SLC15A1: variants seen among roughly 807,000 people sequenced by gnomAD.
SLC15A1 encodes the protein Caco-2 oligopeptide transporter.
SLC15A1 carries 83 observed loss-of-function variants against 92.9 expected under a neutral mutation model. The observed-to-expected ratio is 0.89, with a 90% CI of 0.75 to 1.07. The LOEUF (loss-of-function observed/expected upper bound fraction) is 1.07. SLC15A1 is among the 50% of genes least tolerant of loss of function. The pLI is 0.00. For synonymous variants in SLC15A1, 322 were observed against 318.2 expected (o/e 1.01, Z -0.13); for missense variants, 857 against 880.1 (o/e 0.97, Z 0.33).
chr13:98,712,363 T>C, intron 10 of SLC15A1, 135 bp downstream of exon 10: 1 of 673,412 alleles, frequency 1.5e-6, no homozygotes, highest in Non-Finnish European at 2.6e-6. Context: ...TCATGCATAG[T>C]TTTATTTAAT....
At chr13:98,706,345 G>A in intron 15 of SLC15A1, 92 bp from the exon 16 acceptor site, 1 of 1,456,772 alleles carries the variant, frequency 6.9e-7, no homozygotes, top group South Asian at 1.2e-5. Flanking sequence ...TCCTCCAGCT[G>A]GGAAAAGCTG....
chr13:98,686,319 A>G (rs1458929886), intron 21 of SLC15A1, 22 bp from the exon 22 acceptor site: 1 of 1,545,154 alleles, frequency 6.5e-7, no homozygotes, highest in Non-Finnish European at 8.9e-7. Flanking sequence ...AAGCAAAGTG[A>G]GTCCTGCTCC....
intron 4 of SLC15A1, among the ~76,000 whole-genome samples, chr13:98,725,154 A>G (rs2088288694): frequency 4.6e-5 from 7 of 152,144 alleles, no homozygotes; most frequent in Admixed American, 3.9e-4. Flanking sequence ...ACCTTCCTCC[A>G]TGAATGGAAG....
chr13:98,745,867 C>T (rs2088489095), intron 1 of SLC15A1, among the ~76,000 whole-genome samples: 1 of 150,966 alleles, frequency 6.6e-6, no homozygotes, highest in African/African-American at 2.4e-5. Flanking sequence ...TAACTTGTAA[C>T]ATTATTTATT....
At chr13:98,736,975 C>T (rs577232287) in intron 1 of SLC15A1, among the ~76,000 whole-genome samples, 68 of 152,300 alleles carry the variant, frequency 4.5e-4, no homozygotes, top group Middle Eastern at 3.4e-3. Context: ...CCATTTGACC[C>T]AGCCATCCCA....
At chr13:98,728,534 A>G (rs894079324) in intron 1 of SLC15A1, among the ~76,000 whole-genome samples, 35 of 152,280 alleles carry the variant, frequency 2.3e-4, no homozygotes, top group African/African-American at 7.7e-4. Context: ...AGTAGTGGGT[A>G]GAATGGTGGT....
intron 18 of SLC15A1, among the ~76,000 whole-genome samples, chr13:98,691,664 AGATTTG>A (rs2087978428): frequency 6.6e-6 from 1 of 152,204 alleles, no homozygotes; most frequent in Admixed American, 6.5e-5. Flanking sequence ...AAAAGGATGC[AGATTTG>A]CTTCTGAATC....
chr13:98,692,747 A>G (rs2087990328), intron 18 of SLC15A1, among the ~76,000 whole-genome samples: 2 of 151,898 alleles, frequency 1.3e-5, no homozygotes, highest in African/African-American at 4.8e-5. Flanking sequence ...ATTTTTATTT[A>G]TTTGTTTGTT....
chr13:98,706,373 C>G, intron 15 of SLC15A1, 120 bp from the exon 16 acceptor site: 2 of 1,100,838 alleles, frequency 1.8e-6, no homozygotes, highest in South Asian at 2.8e-5. Flanking sequence ...TGAAACACGC[C>G]AGGTGTCTCC....
chr13:98,728,149 C>G (rs1185003486), intron 1 of SLC15A1, among the ~76,000 whole-genome samples: 1 of 152,222 alleles, frequency 6.6e-6, no homozygotes, highest in African/African-American at 2.4e-5. Context: ...TTCTTGGCAG[C>G]TTTGTCAAAA....
chr13:98,718,394 A>T (rs2088228638), intron 8 of SLC15A1, among the ~76,000 whole-genome samples: 1 of 138,452 alleles, frequency 7.2e-6, no homozygotes, highest in Admixed American at 7.9e-5. Flanking sequence ...ATCATGGCTC[A>T]CTGCAGCCTC....
In SLC15A1 at chr13:98,684,299, G is replaced by C. The variant is rs1396215247; in HGVS notation, c.*425C>G. On this transcript the variant is annotated 3_prime_UTR_variant, in exon 23 of 23. Coordinates refer to ENST00000376503, the MANE Select transcript of SLC15A1 (RefSeq NM_005073.4). ...GCGGTAGCTCAAGCCTGTAATCCCA[G>C]CACTTTGGCAGGCCGAGGTGGGCAG... is the stretch of plus-strand genomic sequence containing the variant. The C allele has an allele frequency of 1.9e-5, 3 of 158,784 alleles. No homozygotes were observed. Among genetic ancestry groups the C allele is most frequent in the African/African-American group, 7.2e-5 (3 of 41,464 alleles). The allele number at this position is 158,784 out of a possible 1,614,324, so 9.8% of individuals were successfully genotyped here. A position where few individuals can be genotyped will look rare whatever the true frequency, so the allele number is the denominator to read the frequency against.
chr13:98,752,565 C>T (rs1481513348), intron 1 of SLC15A1, 30 bp downstream of exon 1: 3 of 1,262,434 alleles, frequency 2.4e-6, no homozygotes, highest in Non-Finnish European at 2.0e-6. Flanking sequence ...GAGTCTTTAG[C>T]CCGGCCGGCC....
intron 17 of SLC15A1, among the ~76,000 whole-genome samples, chr13:98,703,074 C>T (rs1336471840): frequency 6.8e-6 from 1 of 146,142 alleles, no homozygotes; most frequent in Non-Finnish European, 1.5e-5. Context: ...CTCTTGGGGC[C>T]AAGAGTTTGA....
At chr13:98,741,861 A>G (rs959821897) in intron 1 of SLC15A1, among the ~76,000 whole-genome samples, 2 of 152,214 alleles carry the variant, frequency 1.3e-5, no homozygotes, top group African/African-American at 4.8e-5. Flanking sequence ...TTTGAATGCC[A>G]TTTGCTCAAA....
At chr13:98,685,035 T>A in intron 22 of SLC15A1, 120 bp from the exon 23 acceptor site, 3 of 917,744 alleles carry the variant, frequency 3.3e-6, no homozygotes, top group Non-Finnish European at 4.8e-6. Flanking sequence ...TGAAATTAAA[T>A]TATGGAAAAT....
intron 18 of SLC15A1, among the ~76,000 whole-genome samples, chr13:98,693,123 G>A (rs1426386325): frequency 1.0e-5 from 1 of 98,672 alleles, no homozygotes; most frequent in African/African-American, 3.5e-5. Flanking sequence ...TTGAGACGGA[G>A]TTTCAATCTT....
chr13:98,728,706 C>T (rs911668006), intron 1 of SLC15A1, among the ~76,000 whole-genome samples: 3 of 151,904 alleles, frequency 2.0e-5, no homozygotes, highest in Admixed American at 2.0e-4. Flanking sequence ...AGAGGCTGGG[C>T]GCGGTGGCTC....
intron 1 of SLC15A1, among the ~76,000 whole-genome samples, chr13:98,748,748 C>T (rs1320871986): frequency 6.6e-6 from 1 of 152,170 alleles, no homozygotes; most frequent in Non-Finnish European, 1.5e-5. Flanking sequence ...GGCACAGTGG[C>T]AACATGTTCA....
Sources: allele counts gnomAD v4.1 joint callset (sites outside exome capture counted in the v4.1 genomes callset), GRCh38; gene constraint gnomAD v4.1.1; transcripts MANE v1.5; gene names NCBI Gene and HGNC (gene_info 2026-07-23, HGNC 2026-07-21).